The following AKNA variants were observed in gnomAD, a reference collection of about 807,000 sequenced individuals.
AKNA encodes the protein AT-hook transcription factor, also known as microtubule organization protein AKNA.
A neutral mutation model predicts 138.8 loss-of-function variants in AKNA; 67 were observed. The observed-to-expected ratio is 0.48, with a 90% CI of 0.40 to 0.59. The LOEUF (loss-of-function observed/expected upper bound fraction) is 0.59, where lower values mean the gene tolerates loss of function less well. Ranked by LOEUF, AKNA falls within the 20% of genes least tolerant of loss-of-function variation. The pLI, the probability that AKNA is intolerant of heterozygous loss-of-function variation, is 0.00. For synonymous variants in AKNA, 737 were observed against 754.4 expected (o/e 0.98, Z 0.38); for missense variants, 1,813 against 1,880.4 (o/e 0.96, Z 0.66).
At chr9:114,331,576 G>C (rs142633392), downstream of AKNA, 3 of 1,613,612 alleles carry the variant, frequency 1.9e-6, no homozygotes, top group African/African-American at 2.7e-5. Context: ...GAGGGAGGCC[G>C]AGAACATGTT....
At chr9:114,374,548 C>A (rs1276840492) in intron 3 of AKNA, among the ~76,000 whole-genome samples, 1 of 152,218 alleles carries the variant, frequency 6.6e-6, no homozygotes, top group Non-Finnish European at 1.5e-5. Context: ...CCCCCTGCTG[C>A]ACTGTCGGTG....
downstream of AKNA, chr9:114,331,910 T>C (rs756043261): frequency 5.6e-6 from 9 of 1,613,832 alleles, no homozygotes; most frequent in South Asian, 3.3e-5. Context: ...TCAGATGTCA[T>C]GTACACCGAC....
chr9:114,387,475 C>A (rs1363989948), intron 1 of AKNA, among the ~76,000 whole-genome samples: 1 of 152,196 alleles, frequency 6.6e-6, no homozygotes, highest in African/African-American at 2.4e-5. Flanking sequence ...TAGGGACCAC[C>A]CCCCGGCGCC....
intron 1 of AKNA, chr9:114,383,231 GT>G (rs1833815063): frequency 2.2e-6 from 1 of 455,970 alleles, no homozygotes. Context: ...CAGGAACAGG[GT>G]AGCCAGAGAA....
intron 7 of AKNA, 45 bp from the exon 8 acceptor site, chr9:114,362,578 C>T (rs774250233): frequency 1.4e-5 from 23 of 1,592,394 alleles, no homozygotes; most frequent in Middle Eastern, 4.3e-4. Flanking sequence ...TCAGTCCCCG[C>T]GGGGCCTGTC....
intron 15 of AKNA, 71 bp from the exon 16 acceptor site, chr9:114,347,971 C>A (rs1264690531): frequency 4.7e-6 from 7 of 1,496,090 alleles, no homozygotes; most frequent in Non-Finnish European, 5.4e-6. Flanking sequence ...CCCGAGTATG[C>A]CAGGATGCGG....
chr9:114,343,127 T>C (rs938142381), intron 19 of AKNA, among the ~76,000 whole-genome samples: 3 of 152,246 alleles, frequency 2.0e-5, no homozygotes, highest in Admixed American at 6.5e-5. Context: ...GATTAATTTA[T>C]GCAAAACCCT....
At chr9:114,396,013 C>G (rs1364073595), upstream of AKNA, among the ~76,000 whole-genome samples, 1 of 152,160 alleles carries the variant, frequency 6.6e-6, no homozygotes, top group East Asian at 1.9e-4. Flanking sequence ...GGCTTTCTAT[C>G]TGTACAAGAG....
At position 114,376,952 on chromosome 9, in the gene AKNA, G is replaced by T; in HGVS notation, c.855C>A (p.Thr285=). 1.2e-6 allele frequency: 2 copies of T among 1,614,228 alleles called. No homozygotes were observed. The highest frequency in any genetic ancestry group is 1.1e-5 in the South Asian group (1 of 91,088). The part of the protein sequence containing the change: ...HATDRWRRET[T]RFFCPQPKEH... Reference sequence around the variant, plus strand: ...CCTTGGGCTGAGGGCAGAAGAATCTGGTCGTTTCTCTCCTCCATCTATCTG... The same window carrying T: ...CCTTGGGCTGAGGGCAGAAGAATCTTGTCGTTTCTCTCCTCCATCTATCTG... Residue 285 remains threonine (T), a synonymous_variant, in exon 3 of 22, where the codon ACC becomes ACA. Transcript: ENST00000374088.
intron 5 of AKNA, 64 bp from the exon 6 acceptor site, chr9:114,367,761 G>T: frequency 6.7e-7 from 1 of 1,488,340 alleles, no homozygotes; most frequent in Non-Finnish European, 9.0e-7. Flanking sequence ...GAAGGACTGA[G>T]GCTGAACGTC....
At chr9:114,350,471 C>T (rs899404480) in intron 15 of AKNA, among the ~76,000 whole-genome samples, 5 of 152,126 alleles carry the variant, frequency 3.3e-5, no homozygotes, top group African/African-American at 4.8e-5. Context: ...AAAATGCACA[C>T]GAACCAAAAA....
chr9:114,345,866 T>C lies in AKNA; in HGVS notation c.3658A>G (p.Thr1220Ala). 1 of 1,614,052 alleles carries C rather than the reference T, an allele frequency of 6.2e-7. No homozygotes were observed. Among genetic ancestry groups the C allele is most frequent in the Non-Finnish European group, 8.5e-7 (1 of 1,179,966 alleles). The change falls in exon 18 of 22, where the codon ACA becomes GCA. Residue 1220 changes from threonine to alanine, a missense_variant. Coordinates refer to ENST00000374088, the MANE Select transcript of AKNA (RefSeq NM_001317950.2). Reference sequence around the variant, plus strand: ...CCGGCCCTCCCTCCTGACCTACCTGTGTATTGGCCCCGGAAGGTGACCCTG... The same window carrying C: ...CCGGCCCTCCCTCCTGACCTACCTGCGTATTGGCCCCGGAAGGTGACCCTG... ...PDRVTFRGQY[T>A]GHEYHVLSPK... is the part of the protein sequence containing the mutation.
intron 12 of AKNA, 44 bp from the exon 13 acceptor site, chr9:114,357,013 G>A (rs1218197834): frequency 6.5e-7 from 1 of 1,531,606 alleles, no homozygotes; most frequent in South Asian, 1.2e-5. Flanking sequence ...ATGTGTCCAA[G>A]GCACACTGGG....
At chr9:114,387,615 A>G (rs750654075) in intron 1 of AKNA, among the ~76,000 whole-genome samples, 19 of 152,182 alleles carry the variant, frequency 1.2e-4, no homozygotes, top group Admixed American at 2.6e-4. Context: ...ACCCAAGTTC[A>G]CAAGAGATCA....
intron 14 of AKNA, 87 bp downstream of exon 14, chr9:114,355,838 T>G (rs1393691724): frequency 7.4e-7 from 1 of 1,346,188 alleles, no homozygotes. Flanking sequence ...ACCTGGCTAA[T>G]ATGTCATATC....
downstream of AKNA, chr9:114,330,618 G>A (rs778265695): frequency 1.9e-6 from 3 of 1,607,840 alleles, no homozygotes; most frequent in South Asian, 2.2e-5. Flanking sequence ...TCAGCTTCTG[G>A]CCAGAAGACC....
intron 17 of AKNA, 99 bp downstream of exon 17, chr9:114,346,569 TC>T (rs1241396315): frequency 1.1e-6 from 1 of 945,974 alleles, no homozygotes. Flanking sequence ...AAAACCCTTC[TC>T]CAAGTTTCCT....
chr9:114,397,793 G>T (rs1271566223), upstream of AKNA, among the ~76,000 whole-genome samples: 1 of 152,094 alleles, frequency 6.6e-6, no homozygotes, highest in Non-Finnish European at 1.5e-5. Context: ...TATTTTTGCA[G>T]CCCGTTCAGT....
intron 14 of AKNA, among the ~76,000 whole-genome samples, chr9:114,351,735 G>A (rs1250658839): frequency 6.6e-6 from 1 of 152,078 alleles, no homozygotes; most frequent in Non-Finnish European, 1.5e-5. Context: ...GGAGGCTGAA[G>A]CAGGAGGATC....
Sources: gnomAD v4.1 joint callset for allele counts (sites outside exome capture counted in the v4.1 genomes callset) on GRCh38, gnomAD v4.1.1 for gene constraint, MANE v1.5 for transcripts, NCBI Gene and HGNC (gene_info 2026-07-23, HGNC 2026-07-21) for gene names.